Variants in GBE1 observed in about 807,000 individuals in gnomAD.
GBE1 encodes the protein 1,4-alpha-glucan branching enzyme 1, also known as 1,4-alpha-glucan-branching enzyme.
In GBE1, 70 loss-of-function variants were observed where a neutral mutation model predicts 88.8. The observed-to-expected ratio is 0.79, with a 90% CI of 0.65 to 0.96. The LOEUF (loss-of-function observed/expected upper bound fraction) is 0.96. Among genes scored for constraint, GBE1 ranks in the 40% least tolerant of loss-of-function variants. The pLI is 0.00. For synonymous variants in GBE1, 284 were observed against 300.1 expected, an observed-to-expected ratio of 0.95 and a Z score of 0.56; for missense variants, 872 against 871.0, an observed-to-expected ratio of 1.00 and a Z score of -0.01.
chr3:81,494,329 T>C lies in GBE1; in HGVS notation c.2053-3866A>G, dbSNP rs763316692. On this transcript the variant is annotated intron_variant, in intron 15 of 15. Coordinates refer to ENST00000429644, the MANE Select transcript of GBE1 (RefSeq NM_000158.4). ...GAGCTAACCCTTATGATGAGACAATTACAGACATGAACAATTTGGGGTTCC... is the reference window on the plus strand; with the variant it reads ...GAGCTAACCCTTATGATGAGACAATCACAGACATGAACAATTTGGGGTTCC... 2.2e-4 allele frequency among the ~76,000 whole-genome samples: 33 copies of C among 152,314 alleles called. No homozygotes were observed. The South Asian group carries it at 2.7e-3, about 12-fold the overall frequency.
At chr3:81,689,704 T>C (rs1320449491) in intron 2 of GBE1, among the ~76,000 whole-genome samples, 1 of 152,088 alleles carries the variant, frequency 6.6e-6, no homozygotes, top group Non-Finnish European at 1.5e-5. Context: ...CCAGCCTCTC[T>C]TGATCATTGG....
chr3:81,761,278 G>A (rs1390871664), intron 1 of GBE1, 97 bp downstream of exon 1: 13 of 1,464,416 alleles, frequency 8.9e-6, no homozygotes, highest in Non-Finnish European at 1.1e-5. Context: ...CTGGGGCGGG[G>A]TTGGCGCGCG....
At chr3:81,537,784 C>T (rs1703096778) in intron 12 of GBE1, among the ~76,000 whole-genome samples, 1 of 151,984 alleles carries the variant, frequency 6.6e-6, no homozygotes, top group Non-Finnish European at 1.5e-5. Flanking sequence ...GTGTACCTTT[C>T]ATTTCAAGTG....
At chr3:81,611,692 G>A (rs1049780331) in intron 7 of GBE1, among the ~76,000 whole-genome samples, 4 of 152,134 alleles carry the variant, frequency 2.6e-5, no homozygotes, top group African/African-American at 9.7e-5. Flanking sequence ...TAATATTGAG[G>A]TCCTTTCCAA....
intron 14 of GBE1, among the ~76,000 whole-genome samples, chr3:81,520,163 G>C: frequency 6.6e-6 from 1 of 151,590 alleles, no homozygotes; most frequent in Admixed American, 6.6e-5. Context: ...ACAGTCACAA[G>C]TTGCTTTGTG....
intron 14 of GBE1, among the ~76,000 whole-genome samples, chr3:81,526,723 T>G (rs560536202): frequency 6.6e-6 from 1 of 152,096 alleles, no homozygotes; most frequent in African/African-American, 2.4e-5. Context: ...TAAAAGAGGA[T>G]ACAAACAAAT....
At chr3:81,508,319 A>C (rs945445409) in intron 14 of GBE1, among the ~76,000 whole-genome samples, 2 of 152,178 alleles carry the variant, frequency 1.3e-5, no homozygotes, top group East Asian at 1.9e-4. Flanking sequence ...AGAAGGAAGA[A>C]AAATAGAAAA....
At chr3:81,684,889 C>T (rs996487739) in intron 2 of GBE1, among the ~76,000 whole-genome samples, 4 of 152,158 alleles carry the variant, frequency 2.6e-5, no homozygotes, top group Admixed American at 6.5e-5. Context: ...CACACTGCTG[C>T]GATAAGTCAC....
intron 12 of GBE1, among the ~76,000 whole-genome samples, chr3:81,550,990 C>G (rs935936912): frequency 6.6e-6 from 1 of 152,162 alleles, no homozygotes; most frequent in Non-Finnish European, 1.5e-5. Context: ...CAAGAACCCT[C>G]TCTTGGGGTC....
intron 1 of GBE1, among the ~76,000 whole-genome samples, chr3:81,717,340 T>G (rs535974160): frequency 6.6e-5 from 10 of 152,328 alleles, no homozygotes; most frequent in African/African-American, 2.2e-4. Context: ...TTAGGTCCTC[T>G]GCAAGGTGGA....
chr3:81,746,357 G>A (rs1706420563), intron 1 of GBE1, among the ~76,000 whole-genome samples: 1 of 152,074 alleles, frequency 6.6e-6, no homozygotes, highest in Non-Finnish European at 1.5e-5. Flanking sequence ...TGACTTCCCA[G>A]GCTCAAGCAA....
chr3:81,616,389 A>T (rs2107003064), intron 7 of GBE1, among the ~76,000 whole-genome samples: 1 of 152,284 alleles, frequency 6.6e-6, no homozygotes, highest in African/African-American at 2.4e-5. Context: ...TGCATAAGGT[A>T]GAAAATTTAG....
intron 1 of GBE1, among the ~76,000 whole-genome samples, chr3:81,750,541 A>ATATATG (rs1706484746): frequency 2.0e-5 from 2 of 97,844 alleles, no homozygotes; most frequent in Admixed American, 1.2e-4. Flanking sequence ...ATATATACGT[A>ATATATG]TATATATATG....
intron 1 of GBE1, among the ~76,000 whole-genome samples, chr3:81,740,626 CTTAAAGCCA>C (rs555651474): frequency 1.3e-5 from 2 of 152,060 alleles, no homozygotes; most frequent in Non-Finnish European, 2.9e-5. Flanking sequence ...GTATGAAATA[CTTAAAGCCA>C]TTATAAGATT....
intron 12 of GBE1, among the ~76,000 whole-genome samples, chr3:81,539,194 T>C (rs935463645): frequency 6.6e-6 from 1 of 152,010 alleles, no homozygotes. Context: ...GCCCCCTGAC[T>C]CTTAATTACT....
chr3:81,545,877 A>G (rs1484831303), intron 12 of GBE1, among the ~76,000 whole-genome samples: 1 of 152,004 alleles, frequency 6.6e-6, no homozygotes, highest in Non-Finnish European at 1.5e-5. Flanking sequence ...ACTATCCACT[A>G]CCTGCTCATT....
chr3:81,566,458 C>T (rs1476873981), intron 12 of GBE1, among the ~76,000 whole-genome samples: 1 of 151,926 alleles, frequency 6.6e-6, no homozygotes, highest in Admixed American at 6.6e-5. Flanking sequence ...TTGACAGGTG[C>T]CTGACAAAAC....
At chr3:81,665,412 T>G (rs1293437329) in intron 3 of GBE1, among the ~76,000 whole-genome samples, 3 of 151,862 alleles carry the variant, frequency 2.0e-5, no homozygotes, top group Non-Finnish European at 2.9e-5. Context: ...GGCGGGCGCC[T>G]GTAGTCCCAG....
chr3:81,693,850 A>G (rs1266178073), intron 2 of GBE1, among the ~76,000 whole-genome samples: 2 of 152,160 alleles, frequency 1.3e-5, no homozygotes, highest in African/African-American at 4.8e-5. Context: ...ATTTTAACAG[A>G]GTAAGCACCT....
Sources: gnomAD v4.1 joint callset for allele counts (sites outside exome capture counted in the v4.1 genomes callset) on GRCh38, gnomAD v4.1.1 for gene constraint, MANE v1.5 for transcripts, NCBI Gene and HGNC (gene_info 2026-07-23, HGNC 2026-07-21) for gene names.